Variants in HERC4 observed in about 807,000 individuals in gnomAD.
HERC4 encodes HECT and RLD domain containing E3 ubiquitin protein ligase 4.
A neutral mutation model predicts 124.3 loss-of-function variants in HERC4; 28 were observed. The observed-to-expected ratio is 0.23, with a 90% confidence interval of 0.17 to 0.31. HERC4 has a LOEUF of 0.31. Among genes scored for constraint, HERC4 ranks in the 10% least tolerant of loss-of-function variants. HERC4 has a pLI of 1.00. For synonymous variants in HERC4, 407 were observed against 421.5 expected (o/e 0.97, Z 0.42); for missense variants, 713 against 1,229.3 (o/e 0.58, Z 6.28).
At chr10:67,974,773 C>G (rs2132551791) in intron 15 of HERC4, among the ~76,000 whole-genome samples, 2 of 152,280 alleles carry the variant, frequency 1.3e-5, no homozygotes, top group Middle Eastern at 6.8e-3. Context: ...AGAGAACAAA[C>G]ACATATATAA....
chr10:67,977,433 C>T (rs954772473), intron 15 of HERC4, among the ~76,000 whole-genome samples: 1 of 152,164 alleles, frequency 6.6e-6, no homozygotes, highest in Non-Finnish European at 1.5e-5. Flanking sequence ...GGTACAAAGG[C>T]CTTGAGTGAG....
chr10:68,023,276 A>G (rs2038736108), intron 8 of HERC4, among the ~76,000 whole-genome samples: 1 of 152,184 alleles, frequency 6.6e-6, no homozygotes, highest in African/African-American at 2.4e-5. Flanking sequence ...ATAAGATAAA[A>G]CACAAAAGTA....
intron 20 of HERC4, among the ~76,000 whole-genome samples, chr10:67,940,148 G>A (rs1300274076): frequency 2.0e-5 from 3 of 152,026 alleles, no homozygotes; most frequent in African/African-American, 4.8e-5. Flanking sequence ...GGCTGGTCTC[G>A]AACTCCTGAC....
chr10:68,012,541 A>C (rs1196060978), intron 9 of HERC4, among the ~76,000 whole-genome samples: 1 of 152,182 alleles, frequency 6.6e-6, no homozygotes, highest in African/African-American at 2.4e-5. Flanking sequence ...CAGCTGGTGG[A>C]GCAGTCAGAA....
At chr10:67,927,945 A>C (rs2031323458) in intron 23 of HERC4, among the ~76,000 whole-genome samples, 1 of 152,134 alleles carries the variant, frequency 6.6e-6, no homozygotes, top group African/African-American at 2.4e-5. Flanking sequence ...AAGCAAAATA[A>C]AACAGCGAGG....
chr10:68,069,041 G>C (rs544156506), intron 3 of HERC4: 13 of 984,662 alleles, frequency 1.3e-5, no homozygotes, highest in Non-Finnish European at 1.2e-5. Context: ...ACAAATTATG[G>C]TCACAGAACA....
rs775684450 is a variant in HERC4, at chr10:67,956,890, G to A, written c.2013C>T (p.Val671=). The stretch of plus-strand genomic sequence containing the variant: ...AATAATATTTTACCTGCATCTGTAA[G>A]ACTGCATCGGTCTGTAACAGAGTAG... ...AKTTLLQTDA[V]LQMQMAIDQA... Residue 671 remains valine, a synonymous_variant, in exon 17 of 25, where the codon GTC becomes GTT. Transcript: ENST00000373700. 6.4e-7 allele frequency: 1 copy of A among 1,566,654 alleles called. No individual in the cohort carries two copies. Among genetic ancestry groups the A allele is most frequent in the Non-Finnish European group, 8.6e-7 (1 of 1,157,002 alleles).
intron 2 of HERC4, 32 bp from the exon 3 acceptor site, chr10:68,073,218 C>T (rs963425558): frequency 1.1e-4 from 80 of 759,154 alleles, no homozygotes; most frequent in Admixed American, 2.8e-4. Context: ...AATATGACTT[C>T]AAAGAAAAAA....
chr10:68,074,339 C>G (rs2041708675), intron 1 of HERC4: 1 of 152,114 alleles, frequency 6.6e-6, no homozygotes, highest in South Asian at 2.1e-4. Flanking sequence ...TAGCAAGTGC[C>G]CAAGGTGTCC....
intron 3 of HERC4, 81 bp from the exon 4 acceptor site, chr10:68,044,644 C>A: frequency 1.6e-6 from 2 of 1,248,570 alleles, no homozygotes; most frequent in Non-Finnish European, 2.3e-6. Context: ...TTTGAACTTC[C>A]AATAAGAACA....
chr10:67,927,619 G>A (rs1310856943), intron 23 of HERC4, among the ~76,000 whole-genome samples: 1 of 151,382 alleles, frequency 6.6e-6, no homozygotes, highest in African/African-American at 2.4e-5. Flanking sequence ...AGAGACGGGG[G>A]TTTCACTATG....
intron 9 of HERC4, among the ~76,000 whole-genome samples, chr10:68,004,580 G>A (rs1420357065): frequency 6.6e-6 from 1 of 152,124 alleles, no homozygotes; most frequent in Non-Finnish European, 1.5e-5. Context: ...AGAGATAGGG[G>A]TGTATTCGTC....
chr10:68,002,175 T>TA (rs551498623), intron 9 of HERC4, among the ~76,000 whole-genome samples: 8,168 of 149,180 alleles, frequency 0.055, 315 homozygotes, highest in Middle Eastern at 0.11. Flanking sequence ...CTTTTAATTA[T>TA]AAAAAAAACA....
chr10:67,928,499 A>G (rs2031401037), intron 23 of HERC4, among the ~76,000 whole-genome samples: 1 of 152,204 alleles, frequency 6.6e-6, no homozygotes, highest in Admixed American at 6.5e-5. Context: ...GAGAGGGGAC[A>G]TGCATGGTCC....
chr10:67,977,772 A>T (rs1422454864), intron 15 of HERC4, among the ~76,000 whole-genome samples: 1 of 152,082 alleles, frequency 6.6e-6, no homozygotes, highest in Non-Finnish European at 1.5e-5. Flanking sequence ...ACTTGAGGTC[A>T]GGAGTTCAAG....
intron 19 of HERC4, chr10:67,954,142 T>C (rs2033990050): frequency 6.6e-6 from 1 of 152,502 alleles, no homozygotes; most frequent in African/African-American, 2.4e-5. Flanking sequence ...CCGCTGCTAT[T>C]GTAGCATGAA....
chr10:67,948,378 C>G (rs2033546160), intron 19 of HERC4, among the ~76,000 whole-genome samples: 1 of 151,660 alleles, frequency 6.6e-6, no homozygotes, highest in East Asian at 1.9e-4. Context: ...ATAGACAATT[C>G]TCAAAAGTAG....
chr10:67,991,900 T>C (rs1037178424), intron 11 of HERC4, among the ~76,000 whole-genome samples: 3 of 152,086 alleles, frequency 2.0e-5, no homozygotes, highest in Admixed American at 6.6e-5. Context: ...AAAATATCCA[T>C]GGATATTTTT....
At chr10:68,008,401 T>C (rs933636051) in intron 9 of HERC4, among the ~76,000 whole-genome samples, 6 of 152,316 alleles carry the variant, frequency 3.9e-5, no homozygotes, top group African/African-American at 1.2e-4. Flanking sequence ...GCTTCCCTTC[T>C]AGTCAAAAAA....
Sources: gnomAD v4.1 joint callset for allele counts (sites outside exome capture counted in the v4.1 genomes callset) on GRCh38, gnomAD v4.1.1 for gene constraint, MANE v1.5 for transcripts, NCBI Gene and HGNC (gene_info 2026-07-23, HGNC 2026-07-21) for gene names.